The following RBFOX1 variants were observed in gnomAD, a reference collection of about 807,000 sequenced individuals.
The protein encoded by RBFOX1 is RNA binding protein fox-1 homolog 1.
RBFOX1 carries 8 observed loss-of-function variants against 57.7 expected under a neutral mutation model. That is an observed-to-expected ratio of 0.14 (90% CI 0.08 to 0.25). The LOEUF (loss-of-function observed/expected upper bound fraction) is 0.25. Among genes scored for constraint, RBFOX1 ranks in the 10% least tolerant of loss-of-function variants. RBFOX1 has a pLI of 1.00. For synonymous variants in RBFOX1, 326 were observed against 222.4 expected (o/e 1.47, Z -4.15); for missense variants, 611 against 548.5 (o/e 1.11, Z -1.14).
chr16:5,766,551 C>T (rs144576471), intron 3 of RBFOX1, among the ~76,000 whole-genome samples: 4 of 152,262 alleles, frequency 2.6e-5, no homozygotes, highest in East Asian at 1.9e-4. Flanking sequence ...CATCACTGTA[C>T]TCCAGCCCGG....
At chr16:5,753,762 G>A (rs1272504035) in intron 3 of RBFOX1, among the ~76,000 whole-genome samples, 1 of 151,972 alleles carries the variant, frequency 6.6e-6, no homozygotes, top group Non-Finnish European at 1.5e-5. Flanking sequence ...GCTCTCCCTT[G>A]TATAGGAGCC....
intron 14 of RBFOX1, among the ~76,000 whole-genome samples, chr16:7,700,347 T>C (rs1292045258): frequency 6.6e-6 from 1 of 152,058 alleles, no homozygotes; most frequent in Non-Finnish European, 1.5e-5. Context: ...ACCATTATCA[T>C]CTCCATTTAT....
At chr16:5,354,422 G>A (rs1016305607) in intron 1 of RBFOX1, among the ~76,000 whole-genome samples, 2 of 152,298 alleles carry the variant, frequency 1.3e-5, no homozygotes, top group Admixed American at 6.5e-5. Flanking sequence ...GTGACCTTAG[G>A]CAAGTCACTT....
At chr16:7,590,863 G>GAA (rs36061659) in intron 7 of RBFOX1, among the ~76,000 whole-genome samples, 9 of 102,912 alleles carry the variant, frequency 8.7e-5, no homozygotes, top group African/African-American at 1.1e-4. Context: ...CTGTCTCTAA[G>GAA]AAAAAAAAAA....
At chr16:6,428,316 G>A (rs939578288) in intron 2 of RBFOX1, among the ~76,000 whole-genome samples, 5 of 148,582 alleles carry the variant, frequency 3.4e-5, no homozygotes, top group Admixed American at 1.3e-4. Flanking sequence ...AAAAGTGCTC[G>A]ATGCCTAGTT....
chr16:7,270,905 C>T (rs2095304217), intron 4 of RBFOX1, among the ~76,000 whole-genome samples: 1 of 152,178 alleles, frequency 6.6e-6, no homozygotes, highest in South Asian at 2.1e-4. Flanking sequence ...CATGGAGAAT[C>T]CCCTTTCCAT....
chr16:6,746,211 C>T (rs910263406), intron 3 of RBFOX1, among the ~76,000 whole-genome samples: 2 of 152,042 alleles, frequency 1.3e-5, no homozygotes, highest in African/African-American at 4.8e-5. Context: ...AGATTCAACA[C>T]AATGCCAATC....
Position 7,448,370 on chromosome 16 carries a change from A to C in RBFOX1, c.28-69777A>C, listed in dbSNP as rs371415621. Among the ~76,000 whole-genome samples the C allele has an allele frequency of 6.6e-5, 10 of 152,332 alleles. No individual in the cohort carries two copies. The South Asian group carries it at 2.1e-3, about 32-fold the overall frequency. The stretch of plus-strand genomic sequence containing the variant: ...AGAAAAAGAGGTTCAGTGGCCTCAC[A>C]GTTCCACATTGCTGGGGAGACCTCA... On this transcript the variant is annotated intron_variant, in intron 4 of 15. Coordinates refer to ENST00000550418, the MANE Select transcript of RBFOX1 (RefSeq NM_018723.4).
intron 2 of RBFOX1, among the ~76,000 whole-genome samples, chr16:6,513,858 A>C (rs1598616767): frequency 6.6e-6 from 1 of 152,136 alleles, no homozygotes; most frequent in Non-Finnish European, 1.5e-5. Context: ...ATTGGTTTGG[A>C]CTAGGACGCA....
intron 1 of RBFOX1, among the ~76,000 whole-genome samples, chr16:6,238,819 T>C (rs1167937294): frequency 2.0e-5 from 3 of 152,226 alleles, no homozygotes; most frequent in African/African-American, 2.4e-5. Flanking sequence ...GATGTTTTGA[T>C]ATAGACGTGC....
intron 4 of RBFOX1, among the ~76,000 whole-genome samples, chr16:7,068,922 T>A (rs1479936691): frequency 1.3e-5 from 2 of 152,232 alleles, no homozygotes; most frequent in Non-Finnish European, 1.5e-5. Flanking sequence ...GTTCTGTTGA[T>A]TTCTACTCAC....
intron 3 of RBFOX1, among the ~76,000 whole-genome samples, chr16:7,017,040 C>A (rs1403558542): frequency 6.6e-6 from 1 of 152,088 alleles, no homozygotes; most frequent in East Asian, 1.9e-4. Context: ...CATCCTTCAG[C>A]CTCTTTCTCT....
chr16:7,384,577 C>T (rs2097846591), intron 4 of RBFOX1, among the ~76,000 whole-genome samples: 1 of 152,056 alleles, frequency 6.6e-6, no homozygotes, highest in African/African-American at 2.4e-5. Context: ...CTTTATTTTT[C>T]CCATGGGGAA....
intron 3 of RBFOX1, among the ~76,000 whole-genome samples, chr16:7,005,685 A>C (rs1169981982): frequency 6.6e-6 from 1 of 152,160 alleles, no homozygotes; most frequent in Non-Finnish European, 1.5e-5. Flanking sequence ...AGCATCAGAC[A>C]AGGCCATCTC....
chr16:6,570,354 C>A (rs76803600), intron 2 of RBFOX1, among the ~76,000 whole-genome samples: 2 of 152,064 alleles, frequency 1.3e-5, no homozygotes, highest in Non-Finnish European at 2.9e-5. Flanking sequence ...CCAGGCCCCT[C>A]CTGGAACAGG....
At chr16:6,753,507 A>T (rs1048088611) in intron 3 of RBFOX1, among the ~76,000 whole-genome samples, 1 of 152,142 alleles carries the variant, frequency 6.6e-6, no homozygotes, top group Non-Finnish European at 1.5e-5. Context: ...TTCATCTCCT[A>T]TACCATGTCT....
intron 2 of RBFOX1, among the ~76,000 whole-genome samples, chr16:6,523,678 A>G (rs1348458185): frequency 6.6e-6 from 1 of 152,182 alleles, no homozygotes. Context: ...TAATGTCATG[A>G]ATTGTTCAAA....
At chr16:7,378,429 C>T (rs1162395014) in intron 4 of RBFOX1, among the ~76,000 whole-genome samples, 4 of 152,132 alleles carry the variant, frequency 2.6e-5, no homozygotes, top group Non-Finnish European at 4.4e-5. Context: ...ACACTGTTAG[C>T]GGAATCCATT....
At chr16:5,655,657 C>A (rs1201262886) in intron 3 of RBFOX1, among the ~76,000 whole-genome samples, 1 of 152,158 alleles carries the variant, frequency 6.6e-6, no homozygotes, top group Admixed American at 6.5e-5. Context: ...GCTTTGCAGG[C>A]AGATGAAATG....
Sources: gnomAD v4.1 joint callset for allele counts (sites outside exome capture counted in the v4.1 genomes callset) on GRCh38, gnomAD v4.1.1 for gene constraint, MANE v1.5 for transcripts, NCBI Gene and HGNC (gene_info 2026-07-23, HGNC 2026-07-21) for gene names.